The following CHSY3 variants were observed in gnomAD, a reference collection of about 807,000 sequenced individuals.
The protein encoded by CHSY3 is chondroitin sulfate synthase 3.
A neutral mutation model predicts 67.2 loss-of-function variants in CHSY3; 35 were observed. That is an observed-to-expected ratio of 0.52 (90% confidence interval 0.40 to 0.69). The LOEUF is 0.69. CHSY3 is among the 30% of genes least tolerant of loss of function. The probability of loss-of-function intolerance (pLI) is 0.00; values close to 1 mark genes in which losing one functional copy is unlikely to be tolerated. For missense variants in CHSY3, 1,069 were observed against 1,138.5 expected (o/e 0.94, Z 0.88); for synonymous variants, 474 against 434.7 (o/e 1.09, Z -1.12).
intron 2 of CHSY3, among the ~76,000 whole-genome samples, chr5:129,945,703 T>C (rs1234747007): frequency 6.6e-6 from 1 of 152,172 alleles, no homozygotes; most frequent in Non-Finnish European, 1.5e-5. Flanking sequence ...GATTTCTCAC[T>C]TATTTTTTAT....
At chr5:129,954,033 T>C (rs1762099574) in intron 2 of CHSY3, among the ~76,000 whole-genome samples, 1 of 152,206 alleles carries the variant, frequency 6.6e-6, no homozygotes, top group African/African-American at 2.4e-5. Context: ...CTTTTGGTGT[T>C]TTATTCCTGA....
At chr5:130,049,139 C>A (rs1250046196) in intron 2 of CHSY3, among the ~76,000 whole-genome samples, 1 of 151,972 alleles carries the variant, frequency 6.6e-6, no homozygotes, top group Non-Finnish European at 1.5e-5. Context: ...GGCTCTAAGT[C>A]ATGAGTTATA....
At chr5:130,176,622 A>C (rs1265092494) in intron 2 of CHSY3, among the ~76,000 whole-genome samples, 1 of 152,258 alleles carries the variant, frequency 6.6e-6, no homozygotes, top group Non-Finnish European at 1.5e-5. Flanking sequence ...GACTAGATAA[A>C]GAAAATGTCA....
intron 2 of CHSY3, among the ~76,000 whole-genome samples, chr5:130,037,131 G>T (rs1764883177): frequency 6.6e-6 from 1 of 152,108 alleles, no homozygotes; most frequent in Non-Finnish European, 1.5e-5. Flanking sequence ...TACTCAGTGG[G>T]ATAGCAAGGA....
chr5:130,159,161 C>CT (rs33919002), intron 2 of CHSY3, among the ~76,000 whole-genome samples: 6,736 of 98,552 alleles, frequency 0.068, 740 homozygotes, highest in East Asian at 0.26. Context: ...TAAGATTTGT[C>CT]TTTTTTTTTT....
chr5:130,010,610 G>A lies in CHSY3; in HGVS notation c.1086+102250G>A, dbSNP rs140584632. On this transcript the variant is annotated intron_variant, in intron 2 of 2. Transcript: ENST00000305031. The stretch of plus-strand genomic sequence containing the variant: ...ACAAGAGCAAACAAAGCCCAAAGCT[G>A]GCAGAAGAAAATAAATAACCAAACT... 1.2e-3 allele frequency among the ~76,000 whole-genome samples: 189 copies of A among 152,154 alleles called. 2 individuals carry two copies. The highest frequency in any genetic ancestry group is 4.4e-3 in the African/African-American group (183 of 41,550).
chr5:130,050,116 C>A lies in CHSY3; in HGVS notation c.1087-134113C>A, dbSNP rs145157456. 3.9e-3 allele frequency among the ~76,000 whole-genome samples: 593 copies of A among 152,174 alleles called. 7 individuals are homozygous for A. Among genetic ancestry groups the A allele is most frequent in the African/African-American group, 0.014 (571 of 41,534 alleles). Reference sequence around the variant, plus strand: ...TACTAAGCCACTTACTGTTGTAGGGCTTTGTTTACTACTCCACATAGGTGA... The same window carrying A: ...TACTAAGCCACTTACTGTTGTAGGGATTTGTTTACTACTCCACATAGGTGA... On this transcript the variant is annotated intron_variant, in intron 2 of 2. Transcript: ENST00000305031.
chr5:129,957,684 A>G (rs931597923), intron 2 of CHSY3, among the ~76,000 whole-genome samples: 6 of 152,136 alleles, frequency 3.9e-5, no homozygotes, highest in African/African-American at 1.4e-4. Context: ...TTTGATGACA[A>G]TCTCATCATT....
At chr5:130,089,848 G>A (rs1766816209) in intron 2 of CHSY3, among the ~76,000 whole-genome samples, 1 of 152,170 alleles carries the variant, frequency 6.6e-6, no homozygotes. Context: ...GATGACAAGG[G>A]AAATGGAAGC....
chr5:129,997,918 A>T (rs1763594170), intron 2 of CHSY3, among the ~76,000 whole-genome samples: 1 of 152,200 alleles, frequency 6.6e-6, no homozygotes, highest in South Asian at 2.1e-4. Flanking sequence ...GTTGATGGAC[A>T]TTTGGGTTGG....
intron 2 of CHSY3, among the ~76,000 whole-genome samples, chr5:130,095,006 A>G (rs1305745556): frequency 6.6e-6 from 1 of 152,090 alleles, no homozygotes; most frequent in East Asian, 1.9e-4. Flanking sequence ...GGAATGCTAG[A>G]ATGAGCCCTG....
chr5:130,051,954 A>T (rs1765372556), intron 2 of CHSY3: 1 of 151,658 alleles, frequency 6.6e-6, no homozygotes, highest in Non-Finnish European at 1.5e-5. Context: ...AAAAAAAAAA[A>T]AGAAACTCAC....
chr5:129,970,447 TAGAC>T (rs879669764), intron 2 of CHSY3, among the ~76,000 whole-genome samples: 23 of 123,634 alleles, frequency 1.9e-4, no homozygotes, highest in South Asian at 2.7e-4. Flanking sequence ...GATAGATAGA[TAGAC>T]AGACAGAAAG....
intron 2 of CHSY3, among the ~76,000 whole-genome samples, chr5:129,987,857 T>C: frequency 6.6e-6 from 1 of 152,208 alleles, no homozygotes; most frequent in East Asian, 1.9e-4. Context: ...AAGTTTCTGA[T>C]TTTTCTCGCT....
At chr5:130,061,320 C>T (rs996750589) in intron 2 of CHSY3, among the ~76,000 whole-genome samples, 1 of 152,088 alleles carries the variant, frequency 6.6e-6, no homozygotes, top group African/African-American at 2.4e-5. Context: ...GAAAGGACAC[C>T]TTATTCAATA....
intron 2 of CHSY3, among the ~76,000 whole-genome samples, chr5:129,968,340 T>C (rs1373656935): frequency 6.6e-6 from 1 of 152,006 alleles, no homozygotes; most frequent in South Asian, 2.1e-4. Flanking sequence ...TGTCTCTTTT[T>C]ACAGATGAAC....
At chr5:130,074,384 T>A (rs1277793823) in intron 2 of CHSY3, among the ~76,000 whole-genome samples, 2 of 152,164 alleles carry the variant, frequency 1.3e-5, no homozygotes, top group Admixed American at 6.6e-5. Flanking sequence ...CAACTTTTTT[T>A]AATAGTGTAC....
At position 129,905,369 on chromosome 5, in the gene CHSY3, G is replaced by T. The variant is rs747152077; in HGVS notation, c.540G>T (p.Ala180=). The part of the protein sequence containing the change: ...RDFLYVGVMT[A]QKYLGSRALA... Reference sequence around the variant, plus strand: ...TCCTGTACGTGGGGGTGATGACCGCGCAGAAGTACCTGGGCAGCCGCGCGC... The same window carrying T: ...TCCTGTACGTGGGGGTGATGACCGCTCAGAAGTACCTGGGCAGCCGCGCGC... Residue 180 remains alanine, a synonymous_variant, in exon 1 of 3, where the codon GCG becomes GCT. Coordinates refer to ENST00000305031, the MANE Select transcript of CHSY3 (RefSeq NM_175856.5). 5 of 1,585,376 alleles carry T rather than the reference G, an allele frequency of 3.2e-6. No homozygotes were observed. Among genetic ancestry groups the T allele is most frequent in the Non-Finnish European group, 4.3e-6 (5 of 1,168,674 alleles).
intron 2 of CHSY3, among the ~76,000 whole-genome samples, chr5:130,096,717 T>A (rs1042013300): frequency 1.6e-4 from 24 of 152,302 alleles, no homozygotes; most frequent in Non-Finnish European, 2.9e-4. Context: ...AGTATTTTTT[T>A]AAATGAGCAA....
Sources: gnomAD v4.1 joint callset for allele counts (sites outside exome capture counted in the v4.1 genomes callset) on GRCh38, gnomAD v4.1.1 for gene constraint, MANE v1.5 for transcripts, NCBI Gene and HGNC (gene_info 2026-07-23, HGNC 2026-07-21) for gene names.